Variants in SLC25A51 observed in about 807,000 individuals in gnomAD.
SLC25A51 encodes the protein solute carrier family 25 member 51.
SLC25A51 carries 11 observed loss-of-function variants against 19.1 expected under a neutral mutation model. The observed-to-expected ratio is 0.58, with a 90% CI of 0.36 to 0.96. The LOEUF is 0.96. Among genes scored for constraint, SLC25A51 ranks in the 40% least tolerant of loss-of-function variants. SLC25A51 has a pLI of 0.01. For synonymous variants in SLC25A51, 105 were observed against 133.6 expected, an observed-to-expected ratio of 0.79 and a Z score of 1.47; for missense variants, 201 against 365.4, an observed-to-expected ratio of 0.55 and a Z score of 3.67.
chr9:37,893,838 C>T (rs1379212493), intron 2 of SLC25A51, among the ~76,000 whole-genome samples: 2 of 152,162 alleles, frequency 1.3e-5, no homozygotes, highest in Non-Finnish European at 2.9e-5. Context: ...ACCAATTAAA[C>T]ACACAGAGAG....
At chr9:37,902,442 T>C (rs1831868320) in intron 1 of SLC25A51, among the ~76,000 whole-genome samples, 1 of 152,228 alleles carries the variant, frequency 6.6e-6, no homozygotes. Flanking sequence ...GAAACCCTCC[T>C]GGACTTTACA....
intron 2 of SLC25A51, among the ~76,000 whole-genome samples, chr9:37,891,755 G>C (rs1831591598): frequency 6.6e-6 from 1 of 151,230 alleles, no homozygotes; most frequent in South Asian, 2.1e-4. Flanking sequence ...GAAAACCAGA[G>C]ACCTTTGTTC....
downstream of SLC25A51, among the ~76,000 whole-genome samples, chr9:37,885,509 C>T (rs1831433836): frequency 6.6e-6 from 1 of 152,132 alleles, no homozygotes; most frequent in Non-Finnish European, 1.5e-5. Context: ...CCTGCCTCAG[C>T]CTCCCGAGTA....
chr9:37,890,716 G>A (rs920864215), intron 2 of SLC25A51, among the ~76,000 whole-genome samples: 6 of 151,472 alleles, frequency 4.0e-5, no homozygotes, highest in South Asian at 2.1e-4. Flanking sequence ...AAGAACATAC[G>A]ATCCAACAAT....
chr9:37,894,387 T>C (rs896930770), intron 2 of SLC25A51, among the ~76,000 whole-genome samples: 4 of 151,118 alleles, frequency 2.6e-5, no homozygotes, highest in Non-Finnish European at 5.9e-5. Context: ...AATGCAGTGG[T>C]GCGATCTCGG....
At chr9:37,899,988 C>CCT (rs1831809486) in intron 1 of SLC25A51, 38 bp from the exon 2 acceptor site, 1 of 57,072 alleles carries the variant, frequency 1.8e-5, no homozygotes, top group South Asian at 9.1e-4. Flanking sequence ...TTTATATAGC[C>CCT]TTTTTTTTTT....
intron 2 of SLC25A51, among the ~76,000 whole-genome samples, chr9:37,895,137 T>C (rs1374060701): frequency 6.6e-6 from 1 of 152,202 alleles, no homozygotes; most frequent in East Asian, 1.9e-4. Context: ...TTTTTTCTAT[T>C]TCGCCTTTAA....
chr9:37,893,708 A>C (rs1267835266), intron 2 of SLC25A51, among the ~76,000 whole-genome samples: 1 of 152,238 alleles, frequency 6.6e-6, no homozygotes, highest in Non-Finnish European at 1.5e-5. Context: ...CTCCACTGAG[A>C]GATGCCAGAT....
downstream of SLC25A51, chr9:37,886,055 T>G: frequency 1.2e-6 from 2 of 1,609,892 alleles, no homozygotes; most frequent in Non-Finnish European, 1.7e-6. Flanking sequence ...TAAGTACAAC[T>G]GTACAGGGCT....
At chr9:37,897,366 A>C (rs1352401677) in intron 2 of SLC25A51, among the ~76,000 whole-genome samples, 1 of 151,910 alleles carries the variant, frequency 6.6e-6, no homozygotes, top group African/African-American at 2.4e-5. Flanking sequence ...GATTATTATT[A>C]TTCATAGGCT....
At chr9:37,889,198 A>G (rs1286585992) in intron 2 of SLC25A51, among the ~76,000 whole-genome samples, 3 of 152,172 alleles carry the variant, frequency 2.0e-5, no homozygotes, top group Admixed American at 6.5e-5. Context: ...GTATCTATCT[A>G]TTGTCCTGCT....
intron 2 of SLC25A51, among the ~76,000 whole-genome samples, chr9:37,891,588 T>C (rs1156964970): frequency 6.6e-6 from 1 of 152,128 alleles, no homozygotes; most frequent in Non-Finnish European, 1.5e-5. Flanking sequence ...ACATGTGCTG[T>C]GTCCACTCAG....
chr9:37,894,871 A>C (rs1373921669), intron 2 of SLC25A51, among the ~76,000 whole-genome samples: 1 of 152,040 alleles, frequency 6.6e-6, no homozygotes, highest in African/African-American at 2.4e-5. Flanking sequence ...AACATGTGGT[A>C]TTTGGTTTTC....
intron 2 of SLC25A51, among the ~76,000 whole-genome samples, chr9:37,890,548 A>G (rs545113793): frequency 1.6e-4 from 25 of 152,222 alleles, no homozygotes; most frequent in African/African-American, 5.3e-4. Flanking sequence ...TACAAAAATC[A>G]AAATAAATTT....
Position 37,882,270 on chromosome 9 carries a change from C to T in SLC25A51, n.409-639G>A, listed in dbSNP as rs117616402. 9.5e-3 allele frequency among the ~76,000 whole-genome samples: 1,453 copies of T among 152,308 alleles called. 6 individuals carry two copies. The highest frequency in any genetic ancestry group is 0.014 in the Non-Finnish European group (968 of 68,032). ...TTCTTCAAATGTAATCTCCTGTCCA[C>T]CCTTCATTTTATGACTGCATACGCC... On this transcript the variant is annotated intron_variant and non_coding_transcript_variant, in intron 2 of 3. Transcript: ENST00000496760.
At chr9:37,884,281 TTTGA>T (rs1831404732), downstream of SLC25A51, among the ~76,000 whole-genome samples, 4 of 152,258 alleles carry the variant, frequency 2.6e-5, no homozygotes, top group African/African-American at 9.6e-5. Context: ...TTCTAATTCT[TTTGA>T]CAAATAAGTT....
chr9:37,890,722 A>T (rs1245155857), intron 2 of SLC25A51, among the ~76,000 whole-genome samples: 2 of 152,142 alleles, frequency 1.3e-5, no homozygotes, highest in African/African-American at 2.4e-5. Context: ...ATACGATCCA[A>T]CAATCCTACT....
intron 2 of SLC25A51, among the ~76,000 whole-genome samples, chr9:37,891,318 G>A (rs1831579187): frequency 6.6e-6 from 1 of 152,182 alleles, no homozygotes; most frequent in Non-Finnish European, 1.5e-5. Flanking sequence ...TGGGAAGTGA[G>A]GAGCCCCTCT....
chr9:37,884,170 G>T (rs1831401039), downstream of SLC25A51, among the ~76,000 whole-genome samples: 1 of 152,150 alleles, frequency 6.6e-6, no homozygotes, highest in Admixed American at 6.5e-5. Flanking sequence ...TTTACAGAAA[G>T]GGTTTTAAGA....
Sources: allele counts gnomAD v4.1 joint callset (sites outside exome capture counted in the v4.1 genomes callset), GRCh38; gene constraint gnomAD v4.1.1; transcripts MANE v1.5; gene names NCBI Gene and HGNC (gene_info 2026-07-23, HGNC 2026-07-21).